FAM222A: variants seen among roughly 807,000 people sequenced by gnomAD.
FAM222A encodes the protein family with sequence similarity 222 member A, also known as protein FAM222A.
In FAM222A, 7 loss-of-function variants were observed where a neutral mutation model predicts 25.8. The observed-to-expected ratio is 0.27, with a 90% CI of 0.15 to 0.51. FAM222A has a LOEUF of 0.51. FAM222A is among the 20% of genes least tolerant of loss of function. The probability of loss-of-function intolerance (pLI) is 0.97; values close to 1 mark genes in which losing one functional copy is unlikely to be tolerated. For synonymous variants in FAM222A, 294 were observed against 298.8 expected (o/e 0.98, Z 0.17); for missense variants, 573 against 640.5 (o/e 0.89, Z 1.14).
At chr12:109,765,463 G>GTCATTTGC (rs1889019944) in intron 2 of FAM222A, among the ~76,000 whole-genome samples, 1 of 152,248 alleles carries the variant, frequency 6.6e-6, no homozygotes, top group Admixed American at 6.5e-5. Context: ...CTCCTCCCGA[G>GTCATTTGC]TCATTTGCAG....
At chr12:109,766,352 T>C (rs1402077344) in intron 2 of FAM222A, among the ~76,000 whole-genome samples, 1 of 152,226 alleles carries the variant, frequency 6.6e-6, no homozygotes, top group African/African-American at 2.4e-5. Flanking sequence ...TCCTTCCCCA[T>C]GGCAGGGCCA....
At chr12:109,732,061 T>C (rs1317181740) in intron 1 of FAM222A, among the ~76,000 whole-genome samples, 5 of 152,080 alleles carry the variant, frequency 3.3e-5, no homozygotes, top group Non-Finnish European at 7.4e-5. Context: ...CACATCACAG[T>C]AAGAGGACGT....
intron 1 of FAM222A, among the ~76,000 whole-genome samples, chr12:109,728,679 T>A (rs1241198718): frequency 6.6e-6 from 1 of 152,154 alleles, no homozygotes. Flanking sequence ...ACCCAAGCCC[T>A]TTTCACCAAT....
chr12:109,735,714 C>T (rs1592783763), intron 1 of FAM222A: 1 of 152,086 alleles, frequency 6.6e-6, no homozygotes, highest in South Asian at 2.1e-4. Flanking sequence ...TGACCACTTC[C>T]AAAAAAAACT....
chr12:109,719,990 G>C lies in FAM222A; in HGVS notation c.-47+5093G>C, dbSNP rs1315732993. On this transcript the variant is annotated intron_variant, in intron 1 of 2. Coordinates refer to ENST00000538780, the MANE Select transcript of FAM222A (RefSeq NM_032829.3). The stretch of plus-strand genomic sequence containing the variant: ...CTCAGAGAAATTATTTTACCCCTCT[G>C]TGCCTCAGTTTCCTCTTGTTCAGGA... 14 of 598,798 alleles carry C rather than the reference G, an allele frequency of 2.3e-5. No individual in the cohort carries two copies. In the African/African-American group the frequency reaches 2.8e-4, roughly 12 times the overall value. The allele number at this position is 598,798 out of a possible 1,614,324, so 37.1% of individuals were successfully genotyped here.
intron 2 of FAM222A, among the ~76,000 whole-genome samples, chr12:109,749,372 C>T (rs915782463): frequency 6.6e-6 from 1 of 152,182 alleles, no homozygotes; most frequent in African/African-American, 2.4e-5. Context: ...TTCCAAAGTA[C>T]TGGGATTATG....
At chr12:109,723,651 C>T (rs557784820) in intron 1 of FAM222A, among the ~76,000 whole-genome samples, 403 of 152,370 alleles carry the variant, frequency 2.6e-3, no homozygotes, top group Non-Finnish European at 5.2e-3. Flanking sequence ...TGGCTGTGCT[C>T]CCACTCCTGG....
intron 1 of FAM222A, chr12:109,734,356 T>C (rs1888025798): frequency 6.6e-6 from 1 of 152,056 alleles, no homozygotes; most frequent in Non-Finnish European, 1.5e-5. Flanking sequence ...GGCAGGAATC[T>C]GTTGTAGAAG....
chr12:109,740,017 G>T (rs1888195446), intron 1 of FAM222A, among the ~76,000 whole-genome samples: 1 of 152,144 alleles, frequency 6.6e-6, no homozygotes, highest in Non-Finnish European at 1.5e-5. Context: ...GCCCCCTGCA[G>T]CCAGACAGGC....
At chr12:109,753,897 C>T (rs993975263) in intron 2 of FAM222A, among the ~76,000 whole-genome samples, 5 of 152,152 alleles carry the variant, frequency 3.3e-5, no homozygotes, top group Admixed American at 6.5e-5. Flanking sequence ...GATTCAGTTA[C>T]GTAGCTATTG....
chr12:109,736,281 G>C (rs1216254217), intron 1 of FAM222A, among the ~76,000 whole-genome samples: 1 of 152,146 alleles, frequency 6.6e-6, no homozygotes, highest in Non-Finnish European at 1.5e-5. Context: ...CCTTCCCCTA[G>C]CTTTTTCCTA....
At chr12:109,760,797 G>A (rs1035894352) in intron 2 of FAM222A, among the ~76,000 whole-genome samples, 2 of 152,204 alleles carry the variant, frequency 1.3e-5, no homozygotes, top group Non-Finnish European at 2.9e-5. Context: ...AGAGGGTGGC[G>A]TATGAGAGGA....
intron 1 of FAM222A, among the ~76,000 whole-genome samples, chr12:109,738,527 A>C (rs1888146556): frequency 6.6e-6 from 1 of 152,132 alleles, no homozygotes; most frequent in African/African-American, 2.4e-5. Flanking sequence ...CCACCCACCT[A>C]TCCTGCCACC....
At chr12:109,755,287 CTTTTTTTTTTTTTTTTTTTTTTT>C (rs540689300) in intron 2 of FAM222A, among the ~76,000 whole-genome samples, 28 of 49,426 alleles carry the variant, frequency 5.7e-4, no homozygotes, top group East Asian at 1.4e-3. Context: ...TGTAATTCTT[CTTTTTTTTTTTTTTTTTTTTTTT>C]TTTTTTTTTT....
At chr12:109,732,991 G>C (rs1887983711) in intron 1 of FAM222A, among the ~76,000 whole-genome samples, 2 of 152,210 alleles carry the variant, frequency 1.3e-5, no homozygotes, top group African/African-American at 4.8e-5. Context: ...AAGAACTGCT[G>C]TGGTGATGGG....
At chr12:109,733,831 G>A (rs936495933) in intron 1 of FAM222A, among the ~76,000 whole-genome samples, 29 of 152,182 alleles carry the variant, frequency 1.9e-4, no homozygotes, top group Admixed American at 6.5e-4. Context: ...GCAAGCCAGC[G>A]TGTCTGAGCA....
intron 1 of FAM222A, among the ~76,000 whole-genome samples, chr12:109,736,936 T>G (rs574565564): frequency 6.6e-6 from 1 of 152,206 alleles, no homozygotes; most frequent in East Asian, 1.9e-4. Context: ...TAGGACAGCC[T>G]CTTGCCCATC....
At chr12:109,725,576 G>A (rs1887825068) in intron 1 of FAM222A, among the ~76,000 whole-genome samples, 1 of 152,064 alleles carries the variant, frequency 6.6e-6, no homozygotes, top group East Asian at 1.9e-4. Context: ...GGTAGCAGGG[G>A]AAAGTGGGAC....
intron 1 of FAM222A, among the ~76,000 whole-genome samples, chr12:109,726,084 C>T (rs1887838397): frequency 6.8e-6 from 1 of 146,806 alleles, no homozygotes; most frequent in Non-Finnish European, 1.5e-5. Context: ...GGCTGTGTGA[C>T]CCACAAGCTA....
Sources: gnomAD v4.1 joint callset for allele counts (sites outside exome capture counted in the v4.1 genomes callset) on GRCh38, gnomAD v4.1.1 for gene constraint, MANE v1.5 for transcripts, NCBI Gene and HGNC (gene_info 2026-07-23, HGNC 2026-07-21) for gene names.